CCDC80: variants seen among roughly 807,000 people sequenced by gnomAD.
CCDC80 encodes the protein coiled-coil domain-containing protein 80.
A neutral mutation model predicts 78.7 loss-of-function variants in CCDC80; 49 were observed. The observed-to-expected ratio is 0.62, with a 90% CI of 0.50 to 0.79. The LOEUF is 0.79. Ranked by LOEUF, CCDC80 falls within the 30% of genes least tolerant of loss-of-function variation. The pLI is 0.00. For missense variants in CCDC80, 1,205 were observed against 1,198.6 expected (o/e 1.01, Z -0.08); for synonymous variants, 488 against 447.0 (o/e 1.09, Z -1.16).
chr3:112,638,412 C>T lies in CCDC80; in HGVS notation c.1494G>A (p.Gln498=). The change falls in exon 2 of 8, where the codon CAG becomes CAA. Residue 498 remains glutamine (Q), a synonymous_variant. Coordinates refer to ENST00000206423, the MANE Select transcript of CCDC80 (RefSeq NM_199511.3). The part of the protein sequence containing the change: ...AKEKPPKKKA[Q]DKILSNEYEE... ...CATACTCATTACTAAGAATTTTGTC[C>T]TGGGCCTTCTTTTTGGGAGGTTTCT... The T allele has an allele frequency of 6.2e-7, 1 of 1,613,954 alleles. No homozygotes were observed. The highest frequency in any genetic ancestry group is 1.1e-5 in the South Asian group (1 of 91,070).
Position 112,638,021 on chromosome 3 carries a change from T to C in CCDC80, c.1878+7A>G. ...CATAGAAGAATGCCAAGGAGAAGGC[T>C]ACTTACAAGGAGTCTTCGTTTGCCT... On this transcript the variant is annotated splice_region_variant and intron_variant, in intron 2 of 7. Transcript: ENST00000206423. 16 of 1,585,900 alleles carry C rather than the reference T, an allele frequency of 1.0e-5. No individual in the cohort carries two copies. Among genetic ancestry groups the C allele is most frequent in the Non-Finnish European group, 1.4e-5 (16 of 1,170,878 alleles).
rs775290336 is a variant in CCDC80, at chr3:112,638,888, C to G, written c.1018G>C (p.Ala340Pro). Residue 340 changes from alanine (A) to proline (P), a missense_variant, in exon 2 of 8, where the codon GCT becomes CCT. Physicochemically the swap from Ala to Pro is conservative, Grantham distance 27. Transcript: ENST00000206423. ...VLRKLAATAP[A>P]LPQPPSTPRA... ...GGGGTTGAGGGAGGTTGGGGCAAAG[C>G]TGGTGCAGTGGCGGCCAGTTTTCTC... is the stretch of plus-strand genomic sequence containing the variant. The G allele has an allele frequency of 6.2e-7, 1 of 1,613,582 alleles. No individual in the cohort carries two copies. The highest frequency in any genetic ancestry group is 8.5e-7 in the Non-Finnish European group (1 of 1,180,004).
At chr3:112,620,002 A>G (rs1935829781) in intron 3 of CCDC80, among the ~76,000 whole-genome samples, 1 of 150,968 alleles carries the variant, frequency 6.6e-6, no homozygotes, top group East Asian at 1.9e-4. Flanking sequence ...TGAAAAAATT[A>G]ATGTTAGCAA....
intron 3 of CCDC80, among the ~76,000 whole-genome samples, chr3:112,626,786 G>A (rs997678020): frequency 3.9e-5 from 6 of 152,132 alleles, no homozygotes; most frequent in African/African-American, 1.2e-4. Context: ...GGCCTCAAGT[G>A]ATCAGCCTAC....
intron 2 of CCDC80, among the ~76,000 whole-genome samples, chr3:112,637,063 C>T (rs1178559701): frequency 6.6e-6 from 1 of 152,136 alleles, no homozygotes; most frequent in African/African-American, 2.4e-5. Context: ...CCGAAGCCCT[C>T]ATTTGGTGGT....
Position 112,630,194 on chromosome 3 carries a change from T to C in CCDC80, c.1954A>G (p.Met652Val), listed in dbSNP as rs758372625. 3.7e-6 allele frequency: 6 copies of C among 1,613,954 alleles called. No homozygotes were observed. Among genetic ancestry groups the C allele is most frequent in the Non-Finnish European group, 5.1e-6 (6 of 1,179,848 alleles). ...RDEYLESFCK[M>V]ATRKISVITI... Reference sequence around the variant, plus strand: ...ATCACAGAGATTTTCCTGGTAGCCATCTTGCAGAAACTTTCCAGATATTCA... The same window carrying C: ...ATCACAGAGATTTTCCTGGTAGCCACCTTGCAGAAACTTTCCAGATATTCA... Residue 652 changes from methionine (M) to valine (V), a missense_variant, in exon 3 of 8, where the codon ATG becomes GTG. Coordinates refer to ENST00000206423, the MANE Select transcript of CCDC80 (RefSeq NM_199511.3).
rs923302947 is a variant in CCDC80 at position 112,613,889 on chromosome 3, T to G, written c.2321+2821A>C. 5.3e-5 allele frequency among the ~76,000 whole-genome samples: 8 copies of G among 151,700 alleles called. No homozygotes were observed. The East Asian group carries it at 1.4e-3, about 26-fold the overall frequency. Reference sequence around the variant, plus strand: ...GTATATATCTATAATTCTGGTTATATATGTATATGTATATAAATATATTAT... The same window carrying G: ...GTATATATCTATAATTCTGGTTATAGATGTATATGTATATAAATATATTAT... On this transcript the variant is annotated intron_variant, in intron 5 of 7. Coordinates refer to ENST00000206423, the MANE Select transcript of CCDC80 (RefSeq NM_199511.3).
Position 112,616,857 on chromosome 3 carries a change from T to C in CCDC80, c.2174A>G (p.Gln725Arg). Residue 725 changes from glutamine to arginine, a missense_variant and splice_region_variant, in exon 5 of 8, where the codon CAA becomes CGA. Coordinates refer to ENST00000206423, the MANE Select transcript of CCDC80 (RefSeq NM_199511.3). ...CATTGTTATTGGTACCTCATAGTAT[T>C]GCTGTTTAAGAAAAAACAGAATGCA... ...VLTDVDLRVK[Q>R]YYEVPITMKS... 1 of 1,613,452 alleles carries C rather than the reference T, an allele frequency of 6.2e-7. No homozygotes were observed. Among genetic ancestry groups the C allele is most frequent in the Non-Finnish European group, 8.5e-7 (1 of 1,179,918 alleles).
chr3:112,625,154 C>A (rs1410000299), intron 3 of CCDC80, among the ~76,000 whole-genome samples: 2 of 152,108 alleles, frequency 1.3e-5, no homozygotes, highest in Admixed American at 1.3e-4. Flanking sequence ...AAAATGTGTT[C>A]AATCATACTC....
chr3:112,608,302 G>A (rs1044570112), intron 6 of CCDC80, among the ~76,000 whole-genome samples: 1 of 152,194 alleles, frequency 6.6e-6, no homozygotes, highest in African/African-American at 2.4e-5. Context: ...ACTGCCATGG[G>A]AGGGTACTTC....
chr3:112,610,206 CAG>C (rs1169576672), intron 5 of CCDC80, 125 bp from the exon 6 acceptor site: 4 of 766,434 alleles, frequency 5.2e-6, no homozygotes, highest in South Asian at 3.0e-5. Flanking sequence ...AAGAAAAAAA[CAG>C]AGAACTGTCC....
chr3:112,639,156 A>C lies in CCDC80; in HGVS notation c.750T>G (p.Tyr250Ter), dbSNP rs768817862. ...CGTACATGGCTTCCAGCCTAACGGGATATGGATAGCGCTCCTCCACCTGCA... is the reference window on the plus strand; with the variant it reads ...CGTACATGGCTTCCAGCCTAACGGGCTATGGATAGCGCTCCTCCACCTGCA... Reference protein sequence around the residue: ...KTLQVEERYPYPVRLEAMYEV... With the variant: ...KTLQVEERYP The change falls in exon 2 of 8, where the codon TAT becomes TAG. Residue 250 changes from tyrosine (Y) to a stop codon, truncating the protein, a stop_gained. Transcript: ENST00000206423. LOFTEE classifies it high-confidence loss of function. 2 of 1,614,034 alleles carry C rather than the reference A, an allele frequency of 1.2e-6. No homozygotes were observed. The highest frequency in any genetic ancestry group is 3.3e-5 in the Admixed American group (2 of 60,016).
intron 3 of CCDC80, among the ~76,000 whole-genome samples, chr3:112,622,359 A>T (rs1461098222): frequency 1.3e-5 from 2 of 152,246 alleles, no homozygotes; most frequent in African/African-American, 4.8e-5. Context: ...CAAAACAATG[A>T]AAGTCCTAAT....
In CCDC80 at chr3:112,599,615, G is replaced by C. The variant is rs1424978546; in HGVS notation, c.*5802C>G. 1 of 152,230 alleles carries C rather than the reference G, an allele frequency of 6.6e-6. No individual in the cohort carries two copies. Among genetic ancestry groups the C allele is most frequent in the Non-Finnish European group, 1.5e-5 (1 of 68,082 alleles). 9.4% of individuals were successfully genotyped at this position (152,230 alleles called of 1,614,324 possible). A position where few individuals can be genotyped will look rare whatever the true frequency, so the allele number is the denominator to read the frequency against. On this transcript the variant is annotated 3_prime_UTR_variant, in exon 8 of 8. Coordinates refer to ENST00000206423, the MANE Select transcript of CCDC80 (RefSeq NM_199511.3). ...CTACAATCTCCACACATTCAGTACT[G>C]AGACACATTAAGAAGGGCCCACTGA... is the stretch of plus-strand genomic sequence containing the variant.
At chr3:112,609,115 T>C (rs1271045558) in intron 6 of CCDC80, among the ~76,000 whole-genome samples, 1 of 143,110 alleles carries the variant, frequency 7.0e-6, no homozygotes, top group East Asian at 2.0e-4. Flanking sequence ...CCAGTGAATC[T>C]CTCAAAATTC....
rs750867129 is a variant in CCDC80 at position 112,639,102 on chromosome 3, C to T, written c.804G>A (p.Arg268=). ...AGCCCTTCTGCCTGATCTTCTCGAT[C>T]CTACGGATGGGGCCTTGGTCGATGA... ...YEVIDQGPIR[R]IEKIRQKGFV... is the part of the protein sequence containing the mutation. Residue 268 remains arginine, a synonymous_variant, in exon 2 of 8, where the codon AGG becomes AGA. Transcript: ENST00000206423. 27 of 1,614,098 alleles carry T rather than the reference C, an allele frequency of 1.7e-5. No homozygotes were observed. The Middle Eastern group carries it at 6.6e-4, about 39-fold the overall frequency.
chr3:112,605,424 G>A lies in CCDC80; in HGVS notation c.2846C>T (p.Pro949Leu), dbSNP rs1343176947. ...AAGGTTACATATTTCTGCTCAGTAAGGGTATCCATGGTGATAACTCTCATG... is the reference window on the plus strand; with the variant it reads ...AAGGTTACATATTTCTGCTCAGTAAAGGTATCCATGGTGATAACTCTCATG... ...RHHESYHHGY[P>L]Y Residue 949 changes from proline (P) to leucine (L), a missense_variant, in exon 8 of 8, where the codon CCT becomes CTT. Physicochemically the swap from Pro to Leu is moderately conservative, Grantham distance 98 (BLOSUM62 -3). Transcript: ENST00000206423. 32 of 1,610,504 alleles carry A rather than the reference G, an allele frequency of 2.0e-5. No homozygotes were observed. Among genetic ancestry groups the A allele is most frequent in the Non-Finnish European group, 2.7e-5 (32 of 1,177,360 alleles).
At position 112,619,083 on chromosome 3, in the gene CCDC80, A is replaced by G. The variant is rs1935811751; in HGVS notation, c.2057T>C (p.Val686Ala). ...GTCTACCAAGTCTTCATCATCCACCACTCGCATGGGCTTCTCATTATCTTA... is the reference window on the plus strand; with the variant it reads ...GTCTACCAAGTCTTCATCATCCACCGCTCGCATGGGCTTCTCATTATCTTA... ...FQLDNEKPMR[V>A]VDDEDLVDQR... The change falls in exon 4 of 8, where the codon GTG (valine) becomes GCG (alanine). Residue 686 changes from valine (V) to alanine (A), a missense_variant. Coordinates refer to ENST00000206423, the MANE Select transcript of CCDC80 (RefSeq NM_199511.3). 1 of 1,598,692 alleles carries G rather than the reference A, an allele frequency of 6.3e-7. No individual in the cohort carries two copies. The highest frequency in any genetic ancestry group is 1.8e-5 in the Admixed American group (1 of 56,236).
At chr3:112,632,958 G>A (rs567843830) in intron 2 of CCDC80, among the ~76,000 whole-genome samples, 2 of 152,230 alleles carry the variant, frequency 1.3e-5, no homozygotes, top group South Asian at 4.1e-4. Flanking sequence ...GGGCAGAGAG[G>A]CATAGAGAAA....
Sources: gnomAD v4.1 joint callset for allele counts (sites outside exome capture counted in the v4.1 genomes callset) on GRCh38, gnomAD v4.1.1 for gene constraint, MANE v1.5 for transcripts, NCBI Gene and HGNC (gene_info 2026-07-23, HGNC 2026-07-21) for gene names.